Variants in NFIC observed in about 807,000 individuals in gnomAD.
NFIC encodes the protein nuclear factor 1 C-type.
A neutral mutation model predicts 54.4 loss-of-function variants in NFIC; 12 were observed. The ratio of observed to expected loss-of-function variants is 0.22; its 90% CI spans 0.14 to 0.36. The LOEUF is 0.36. NFIC is among the 10% of genes least tolerant of loss of function. The pLI, the probability that NFIC is intolerant of heterozygous loss-of-function variation, is 1.00. For synonymous variants in NFIC, 322 were observed against 319.2 expected (o/e 1.01, Z -0.09); for missense variants, 575 against 718.2 (o/e 0.80, Z 2.28).
chr19:3,452,777 TG>T lies in NFIC; in HGVS notation c.1269+113del, dbSNP rs1599720288. On this transcript the variant is annotated intron_variant, in intron 8 of 10. Transcript: ENST00000443272. The surrounding 1 kb of genome is among the most constrained non-coding windows in gnomAD (Gnocchi z 5.3). ...TCTGCTTAAAAGGGTCTTGAGGACT[TG>T]GCTCTGAAGTCCCCTCCTCTGTCGT... 3.7e-6 allele frequency: 5 copies of T among 1,343,774 alleles called. No homozygotes were observed. Among genetic ancestry groups the T allele is most frequent in the Non-Finnish European group, 4.0e-6 (4 of 995,330 alleles). 83.2% of individuals were successfully genotyped at this position (1,343,774 alleles called of 1,614,324 possible).
At chr19:3,381,585 C>G in intron 1 of NFIC, 127 bp from the exon 2 acceptor site, 2 of 1,387,526 alleles carry the variant, frequency 1.4e-6, no homozygotes, top group Non-Finnish European at 9.5e-7. Context: ...CCCTGCCCAC[C>G]TCTGCCCAGC....
chr19:3,456,577 C>G lies in NFIC; in HGVS notation c.1451C>G (p.Ala484Gly), dbSNP rs1356592795. Residue 484 changes from alanine (A) to glycine (G), a missense_variant, in exon 10 of 11, where the codon GCA becomes GGA. By Grantham distance (60) the Ala-to-Gly change is moderately conservative. This residue lies in a region of NFIC where 447 missense variants were observed against 526.9 expected (regional missense o/e 0.85). Coordinates refer to ENST00000443272, the MANE Select transcript of NFIC (RefSeq NM_001245002.2). ...TACTCTCCGCCCGACACGTCCCCTG[C>G]AAACCGTTCCTTTGTGGGATTAGGA... ...PSYSPPDTSP[A>G]NRSFVGLGPR... The G allele has an allele frequency of 5.2e-6, 8 of 1,540,580 alleles. No individual in the cohort carries two copies. The highest frequency in any genetic ancestry group is 7.0e-6 in the Non-Finnish European group (8 of 1,139,860).
intron 6 of NFIC, among the ~76,000 whole-genome samples, chr19:3,446,925 C>T (rs7248605): frequency 0.049 from 7,493 of 152,070 alleles, 597 homozygotes; most frequent in African/African-American, 0.17. Context: ...ACCTGGGAGG[C>T]TGAGGTGGGA....
chr19:3,463,962 C>A lies in NFIC; in HGVS notation c.*1193C>A, dbSNP rs1037820939. The stretch of plus-strand genomic sequence containing the variant: ...CAGTCAACCCTCATCGCCGTGCCCC[C>A]CCAGAGCTAGAGAGATGGGGCCCCT... On this transcript the variant is annotated 3_prime_UTR_variant, in exon 11 of 11. Coordinates refer to ENST00000443272, the MANE Select transcript of NFIC (RefSeq NM_001245002.2). 1.1e-4 allele frequency: 108 copies of A among 985,132 alleles called. No homozygotes were observed. Among genetic ancestry groups the A allele is most frequent in the Non-Finnish European group, 1.3e-4 (107 of 829,876 alleles). 61.0% of individuals were successfully genotyped at this position (985,132 alleles called of 1,614,324 possible). A position where few individuals can be genotyped will look rare whatever the true frequency, so the allele number is the denominator to read the frequency against.
chr19:3,390,415 A>G (rs532648664), intron 2 of NFIC, among the ~76,000 whole-genome samples: 1 of 152,272 alleles, frequency 6.6e-6, no homozygotes, highest in Admixed American at 6.5e-5. Context: ...ACAAGAGCCC[A>G]CCAGGACTGG....
chr19:3,371,416 G>A (rs1448831666), intron 1 of NFIC: 1 of 151,326 alleles, frequency 6.6e-6, no homozygotes, highest in Admixed American at 6.6e-5. Flanking sequence ...CCTCCGGGGA[G>A]GCAGGACATT....
chr19:3,378,231 A>AGC (rs2081141013), intron 1 of NFIC, among the ~76,000 whole-genome samples: 1 of 150,080 alleles, frequency 6.7e-6, no homozygotes, highest in Non-Finnish European at 1.5e-5. Context: ...ACTGCACTCC[A>AGC]GCCTGGGTGA....
chr19:3,422,757 C>T (rs910994707), intron 2 of NFIC, among the ~76,000 whole-genome samples: 1 of 151,844 alleles, frequency 6.6e-6, no homozygotes, highest in Admixed American at 6.6e-5. Context: ...GCACAAAGAC[C>T]CGGGGGGTCT....
intron 10 of NFIC, among the ~76,000 whole-genome samples, chr19:3,460,134 G>A (rs1364640074): frequency 6.6e-6 from 1 of 152,220 alleles, no homozygotes; most frequent in Non-Finnish European, 1.5e-5. Context: ...TCGGTCTCCC[G>A]CCTCTGGGAG....
intron 1 of NFIC, among the ~76,000 whole-genome samples, chr19:3,360,158 C>A (rs1599536170): frequency 6.9e-6 from 1 of 145,430 alleles, no homozygotes; most frequent in Non-Finnish European, 1.5e-5. Context: ...GGTGCCCCGG[C>A]CCGGGCGAGC....
At chr19:3,401,209 T>C (rs2081549705) in intron 2 of NFIC, among the ~76,000 whole-genome samples, 1 of 152,106 alleles carries the variant, frequency 6.6e-6, no homozygotes, top group Non-Finnish European at 1.5e-5. Flanking sequence ...TAGGAAGGAC[T>C]TGGGCTTTGA....
In NFIC at chr19:3,382,235, G is replaced by T. The variant is rs776863055; in HGVS notation, c.554G>T (p.Arg185Leu). The T allele has an allele frequency of 3.1e-6, 5 of 1,600,290 alleles. No homozygotes were observed. The African/African-American group carries it at 5.3e-5, about 17-fold the overall frequency. Reference sequence around the variant, plus strand: ...GACCTCTACCTGGCCTACTTCGTGCGTGAGCGAGGTGAGGTGTGGTGGCCT... The same window carrying T: ...GACCTCTACCTGGCCTACTTCGTGCTTGAGCGAGGTGAGGTGTGGTGGCCT... ...ELDLYLAYFV[R>L]ERDAEQSGSP... Residue 185 changes from arginine (R) to leucine (L), a missense_variant, in exon 2 of 11, where the codon CGT (arginine) becomes CTT (leucine). By Grantham distance (102) the Arg-to-Leu change is moderately radical (BLOSUM62 -2). Transcript: ENST00000443272.
At chr19:3,387,379 G>A (rs574428278) in intron 2 of NFIC, among the ~76,000 whole-genome samples, 1 of 152,298 alleles carries the variant, frequency 6.6e-6, no homozygotes, top group East Asian at 1.9e-4. Flanking sequence ...GCGGGCGTCT[G>A]TAGTACCAGC....
At chr19:3,430,478 C>T (rs1461056151) in intron 3 of NFIC, among the ~76,000 whole-genome samples, 1 of 152,076 alleles carries the variant, frequency 6.6e-6, no homozygotes, top group Non-Finnish European at 1.5e-5. Flanking sequence ...CTTGCCTCAG[C>T]CTTCCAAAGT....
intron 3 of NFIC, among the ~76,000 whole-genome samples, chr19:3,432,960 G>A (rs372847501): frequency 3.3e-5 from 5 of 151,676 alleles, no homozygotes; most frequent in South Asian, 4.2e-4. Flanking sequence ...GTGAGCCACC[G>A]CACCCGGCTC....
At chr19:3,359,767 T>C in intron 1 of NFIC, 1 of 1,305,384 alleles carries the variant, frequency 7.7e-7, no homozygotes, top group Non-Finnish European at 9.9e-7. Context: ...TTGCAAGATC[T>C]GGGGGGACAG....
intron 6 of NFIC, among the ~76,000 whole-genome samples, chr19:3,438,940 C>T (rs1161663032): frequency 1.3e-5 from 2 of 152,024 alleles, no homozygotes; most frequent in Non-Finnish European, 2.9e-5. Context: ...CAAGAGGACC[C>T]TGATAGAACT....
intron 6 of NFIC, among the ~76,000 whole-genome samples, chr19:3,443,082 A>C (rs924748581): frequency 1.3e-5 from 2 of 152,212 alleles, no homozygotes; most frequent in Non-Finnish European, 2.9e-5. Flanking sequence ...CTCCCCAGGG[A>C]ACGAGCCAGC....
intron 9 of NFIC, among the ~76,000 whole-genome samples, chr19:3,455,489 GCA>G (rs2082538286): frequency 6.7e-6 from 1 of 150,258 alleles, no homozygotes; most frequent in Non-Finnish European, 1.5e-5. Flanking sequence ...CCAGAGCCTG[GCA>G]TACAGTAGAC....
Sources: allele counts gnomAD v4.1 joint callset (sites outside exome capture counted in the v4.1 genomes callset), GRCh38; gene constraint gnomAD v4.1.1; regional missense constraint gnomAD v4.1.1; non-coding constraint Gnocchi (gnomAD v3.1); transcripts MANE v1.5; gene names NCBI Gene and HGNC (gene_info 2026-07-23, HGNC 2026-07-21).